SMC1B: variants seen among roughly 807,000 people sequenced by gnomAD.
SMC1B encodes structural maintenance of chromosomes 1B.
A neutral mutation model predicts 157.9 loss-of-function variants in SMC1B; 60 were observed. The observed-to-expected ratio is 0.38, with a 90% CI of 0.31 to 0.47. The LOEUF is 0.47. SMC1B is among the 20% of genes least tolerant of loss of function. SMC1B has a pLI of 0.99. For missense variants in SMC1B, 1,165 were observed against 1,426.2 expected (o/e 0.82, Z 2.95); for synonymous variants, 445 against 483.0 (o/e 0.92, Z 1.03).
chr22:45,357,266 G>A (rs1249258585), intron 19 of SMC1B, among the ~76,000 whole-genome samples: 1 of 152,258 alleles, frequency 6.6e-6, no homozygotes, highest in Non-Finnish European at 1.5e-5. Context: ...ATTCAGGAGA[G>A]AAGCAGCTTC....
At chr22:45,388,802 C>T (rs548050668) in intron 10 of SMC1B, among the ~76,000 whole-genome samples, 1 of 151,550 alleles carries the variant, frequency 6.6e-6, no homozygotes, top group Admixed American at 6.6e-5. Flanking sequence ...GTGGAGAAAC[C>T]CCGTCTCTAC....
intron 7 of SMC1B, 142 bp from the exon 8 acceptor site, chr22:45,394,909 C>A: frequency 2.0e-6 from 2 of 994,864 alleles, no homozygotes; most frequent in Non-Finnish European, 2.6e-6. Context: ...CTTATCAGAG[C>A]AAATTACAGA....
chr22:45,375,838 T>G (rs2086878901), intron 12 of SMC1B, among the ~76,000 whole-genome samples: 1 of 152,154 alleles, frequency 6.6e-6, no homozygotes, highest in Non-Finnish European at 1.5e-5. Context: ...AATACTGACA[T>G]TTAGATATTA....
chr22:45,405,833 CAG>C (rs1371598448), intron 4 of SMC1B, among the ~76,000 whole-genome samples: 4 of 152,112 alleles, frequency 2.6e-5, no homozygotes, highest in Non-Finnish European at 5.9e-5. Flanking sequence ...CATGCACTAA[CAG>C]TGTGGACAAA....
At chr22:45,399,425 G>C (rs1767856554) in intron 5 of SMC1B, 72 bp from the exon 6 acceptor site, 1 of 1,366,038 alleles carries the variant, frequency 7.3e-7, no homozygotes, top group Non-Finnish European at 1.0e-6. Context: ...AAGTTGTTTT[G>C]ATCAAACCAC....
At position 45,400,342 on chromosome 22, in the gene SMC1B, C is replaced by T. The variant is rs573943046; in HGVS notation, c.855-989G>A. ...TTATCTTCTAGAAAGTAAGGAAGAG[C>T]TCCAAAAAAAAATCACAGTAATGAG... On this transcript the variant is annotated intron_variant, in intron 5 of 24. Coordinates refer to ENST00000357450, the MANE Select transcript of SMC1B (RefSeq NM_148674.5). Among the ~76,000 whole-genome samples, 234 of 151,816 alleles carry T rather than the reference C, an allele frequency of 1.5e-3. 1 individual carries two copies. Among genetic ancestry groups the T allele is most frequent in the African/African-American group, 4.9e-3 (204 of 41,406 alleles).
intron 15 of SMC1B, among the ~76,000 whole-genome samples, chr22:45,368,634 A>G (rs2086798923): frequency 6.6e-6 from 1 of 151,190 alleles, no homozygotes; most frequent in South Asian, 2.1e-4. Flanking sequence ...TCTCTGCCTC[A>G]GCCTCCAAAG....
chr22:45,395,664 C>A (rs547891117), intron 7 of SMC1B, among the ~76,000 whole-genome samples: 77 of 152,226 alleles, frequency 5.1e-4, no homozygotes, highest in African/African-American at 1.6e-3. Context: ...TCAAGACCAG[C>A]CTGACCAACA....
intron 12 of SMC1B, among the ~76,000 whole-genome samples, chr22:45,381,167 C>A (rs2086933121): frequency 6.6e-6 from 1 of 152,044 alleles, no homozygotes; most frequent in Non-Finnish European, 1.5e-5. Flanking sequence ...TGACACTATA[C>A]TAAATTTCCT....
At chr22:45,352,428 CTG>C (rs773064497) in intron 22 of SMC1B, 21 bp downstream of exon 22, 1 of 1,601,260 alleles carries the variant, frequency 6.2e-7, no homozygotes, top group Non-Finnish European at 8.5e-7. Context: ...GATATGAAAA[CTG>C]AATAGCTTTT....
chr22:45,379,723 C>CTTTATTTTT (rs2086916762), intron 12 of SMC1B, among the ~76,000 whole-genome samples: 1 of 91,482 alleles, frequency 1.1e-5, no homozygotes, highest in Non-Finnish European at 2.0e-5. Flanking sequence ...TTTCTTTTTA[C>CTTTATTTTT]TTTTTTTTTT....
At chr22:45,345,707 T>A in intron 23 of SMC1B, 138 bp from the exon 24 acceptor site, 1 of 593,854 alleles carries the variant, frequency 1.7e-6, no homozygotes, top group Non-Finnish European at 3.0e-6. Context: ...ATTCAATAAA[T>A]CCTCAACAAC....
At chr22:45,394,594 C>T (rs1485588318) in intron 8 of SMC1B, 91 bp downstream of exon 8, 2 of 1,327,682 alleles carry the variant, frequency 1.5e-6, no homozygotes, top group African/African-American at 1.5e-5. Flanking sequence ...CATGACTGCG[C>T]CACTGCACTC....
Position 45,370,128 on chromosome 22 carries a change from T to C in SMC1B, c.2314-68A>G, listed in dbSNP as rs917908428. The C allele has an allele frequency of 1.4e-4, 126 of 925,118 alleles. 1 individual carries two copies. Among genetic ancestry groups the C allele is most frequent in the Non-Finnish European group, 1.7e-4 (108 of 644,218 alleles). The allele number at this position is 925,118 out of a possible 1,614,324, so 57.3% of individuals were successfully genotyped here. On this transcript the variant is annotated intron_variant, in intron 14 of 24. Coordinates refer to ENST00000357450, the MANE Select transcript of SMC1B (RefSeq NM_148674.5). ...AAGAAATATATAATCTTAAATATGT[T>C]TTTCCCTCCAAGATTTTCCTGAATT... is the stretch of plus-strand genomic sequence containing the variant.
chr22:45,413,119 G>A (rs1200298990), intron 1 of SMC1B, among the ~76,000 whole-genome samples: 1 of 151,920 alleles, frequency 6.6e-6, no homozygotes, highest in Non-Finnish European at 1.5e-5. Context: ...GGTGGGGTGG[G>A]GTCCCTCAGG....
intron 22 of SMC1B, among the ~76,000 whole-genome samples, chr22:45,350,111 T>G (rs1285481282): frequency 6.6e-6 from 1 of 152,182 alleles, no homozygotes; most frequent in Non-Finnish European, 1.5e-5. Flanking sequence ...TCTCCAACTT[T>G]GGATGGCTGC....
intron 11 of SMC1B, among the ~76,000 whole-genome samples, chr22:45,386,378 A>G (rs1211641311): frequency 6.7e-6 from 1 of 148,580 alleles, no homozygotes; most frequent in African/African-American, 2.6e-5. Context: ...TTCCCTCAAG[A>G]TACTTGTATT....
At chr22:45,351,818 T>A (rs1319726646) in intron 22 of SMC1B, among the ~76,000 whole-genome samples, 1 of 152,234 alleles carries the variant, frequency 6.6e-6, no homozygotes, top group Non-Finnish European at 1.5e-5. Flanking sequence ...AAGAGGTTAA[T>A]TGCCTTAATT....
At chr22:45,401,073 C>T (rs1341798693) in intron 5 of SMC1B, among the ~76,000 whole-genome samples, 4 of 152,030 alleles carry the variant, frequency 2.6e-5, no homozygotes, top group African/African-American at 9.7e-5. Flanking sequence ...GGACATTAGG[C>T]AAAAGCTGAG....
Sources: gnomAD v4.1 joint callset for allele counts (sites outside exome capture counted in the v4.1 genomes callset) on GRCh38, gnomAD v4.1.1 for gene constraint, MANE v1.5 for transcripts, NCBI Gene and HGNC (gene_info 2026-07-23, HGNC 2026-07-21) for gene names.